The following MATCAP1 variants were observed in gnomAD, a reference collection of about 807,000 sequenced individuals.
MATCAP1 encodes the protein microtubule-associated tyrosine carboxypeptidase 1.
chr16:67,177,123 C>T, the MATCAP1 span: 2 of 578,044 alleles, frequency 3.5e-6, no homozygotes, highest in Middle Eastern at 4.3e-4. Context: ...ACGTTTTATA[C>T]CTCTAGACTC....
At chr16:67,179,780 G>A in the MATCAP1 span, 2 of 1,611,606 alleles carry the variant, frequency 1.2e-6, no homozygotes, top group African/African-American at 1.3e-5. The surrounding 1 kb of genome is among the most constrained non-coding windows in gnomAD (Gnocchi z 5.2). Flanking sequence ...CCTGATTTGG[G>A]GCATGTAGAG....
chr16:67,178,774 C>T, the MATCAP1 span: 2 of 683,998 alleles, frequency 2.9e-6, no homozygotes, highest in East Asian at 5.6e-5. Flanking sequence ...CACGCACCCA[C>T]ACACGTGCAC....
At chr16:67,179,855 A>G in the MATCAP1 span, 7 of 1,614,132 alleles carry the variant, frequency 4.3e-6, no homozygotes, top group Non-Finnish European at 5.9e-6. This position sits in a 1 kb window ranked among gnomAD's most constrained non-coding sequence, Gnocchi z 5.2. Flanking sequence ...TTTGCGCACA[A>G]TCGACCATAT....
the MATCAP1 span, among the ~76,000 whole-genome samples, chr16:67,177,821 C>G: frequency 6.6e-6 from 1 of 152,230 alleles, no homozygotes; most frequent in African/African-American, 2.4e-5. Context: ...CATACACCTG[C>G]AGCCTCCGTT....
the MATCAP1 span, chr16:67,175,959 A>C: frequency 6.6e-6 from 1 of 152,362 alleles, no homozygotes; most frequent in Non-Finnish European, 1.5e-5. Flanking sequence ...AGCAGCTGTG[A>C]GGGTGTGAGC....
the MATCAP1 span, chr16:67,180,285 C>T: frequency 1.9e-6 from 3 of 1,612,504 alleles, no homozygotes; most frequent in Non-Finnish European, 1.7e-6. Flanking sequence ...GGTGCCCCCA[C>T]CTGGGTTCCG....
the MATCAP1 span, chr16:67,178,309 A>C: frequency 1.9e-6 from 3 of 1,582,744 alleles, no homozygotes; most frequent in Admixed American, 1.8e-5. Flanking sequence ...ACGGAAGGAC[A>C]TGCGCGCGGC....
At chr16:67,179,159 T>G in the MATCAP1 span, 3 of 1,266,812 alleles carry the variant, frequency 2.4e-6, no homozygotes, top group Non-Finnish European at 3.0e-6. The surrounding 1 kb of genome is among the most constrained non-coding windows in gnomAD (Gnocchi z 5.2). Flanking sequence ...TTGCCCGCAC[T>G]GTTGGGAGAA....
the MATCAP1 span, chr16:67,181,412 A>G: frequency 6.6e-6 from 1 of 152,342 alleles, no homozygotes; most frequent in Admixed American, 6.5e-5. Flanking sequence ...TGGGAAGCAG[A>G]AGGAAGCTTC....
the MATCAP1 span, chr16:67,178,939 G>A: frequency 2.4e-6 from 1 of 419,692 alleles, no homozygotes; most frequent in Non-Finnish European, 4.5e-6. Flanking sequence ...GATTCTCGAG[G>A]AAGAGGGACA....
chr16:67,181,504 C>T, the MATCAP1 span: 1 of 152,340 alleles, frequency 6.6e-6, no homozygotes, highest in Non-Finnish European at 1.5e-5. Flanking sequence ...TCAGGGCGCT[C>T]ACCCCGACTC....
chr16:67,182,141 C>T, the MATCAP1 span, among the ~76,000 whole-genome samples: 2 of 151,048 alleles, frequency 1.3e-5, no homozygotes, highest in African/African-American at 2.4e-5. Flanking sequence ...CCCAGCTACT[C>T]GGGAGGCTGA....
chr16:67,182,394 C>T, the MATCAP1 span, among the ~76,000 whole-genome samples: 3 of 152,306 alleles, frequency 2.0e-5, 1 homozygote, highest in East Asian at 5.8e-4. Context: ...TGCTCCAGGA[C>T]TTGCCTATGG....
chr16:67,179,021 G>T, the MATCAP1 span: 1 of 913,296 alleles, frequency 1.1e-6, no homozygotes, highest in Non-Finnish European at 1.4e-6. This position sits in a 1 kb window ranked among gnomAD's most constrained non-coding sequence, Gnocchi z 5.2. Context: ...TAAACCAGGT[G>T]CCATGTGTCC....
chr16:67,182,659 G>A, the MATCAP1 span, among the ~76,000 whole-genome samples: 51 of 152,302 alleles, frequency 3.3e-4, no homozygotes, highest in East Asian at 9.8e-3. Context: ...TCACTTGAAT[G>A]TTTAATAGGC....
the MATCAP1 span, among the ~76,000 whole-genome samples, chr16:67,182,444 C>A: frequency 6.6e-5 from 10 of 152,196 alleles, no homozygotes; most frequent in Non-Finnish European, 1.3e-4. Context: ...ATGTTCTCAT[C>A]CACTCTTGTG....
chr16:67,182,902 A>G, the MATCAP1 span, among the ~76,000 whole-genome samples: 2 of 152,116 alleles, frequency 1.3e-5, no homozygotes, highest in African/African-American at 4.8e-5. Context: ...TACAGTTTAT[A>G]TTTGTATGAT....
the MATCAP1 span, chr16:67,178,283 G>C: frequency 6.3e-7 from 1 of 1,575,868 alleles, no homozygotes; most frequent in Non-Finnish European, 8.6e-7. Flanking sequence ...TAGCGCTCCA[G>C]GTCCTGGAAG....
At chr16:67,178,120 G>C in the MATCAP1 span, 2 of 1,607,358 alleles carry the variant, frequency 1.2e-6, no homozygotes, top group African/African-American at 2.7e-5. Context: ...GGGAGGGCAG[G>C]AGGGCGGTGA....
Sources: allele counts gnomAD v4.1 joint callset (sites outside exome capture counted in the v4.1 genomes callset), GRCh38; gene constraint gnomAD v4.1.1; non-coding constraint Gnocchi (gnomAD v3.1); transcripts MANE v1.5; gene names NCBI Gene and HGNC (gene_info 2026-07-23, HGNC 2026-07-21).